The following CDC27 variants were observed in gnomAD, a reference collection of about 807,000 sequenced individuals.
The protein encoded by CDC27 is cell division cycle protein 27 homolog.
Under a neutral mutation model 109.7 loss-of-function variants are expected in CDC27, and 27 were observed. The observed-to-expected ratio is 0.25, with a 90% CI of 0.18 to 0.34. The LOEUF (loss-of-function observed/expected upper bound fraction) is 0.34. Ranked by LOEUF, CDC27 falls within the 10% of genes least tolerant of loss-of-function variation. The pLI, the probability that CDC27 is intolerant of heterozygous loss-of-function variation, is 1.00. For missense variants in CDC27, 579 were observed against 960.2 expected, an observed-to-expected ratio of 0.60 and a Z score of 5.25; for synonymous variants, 266 against 333.9, an observed-to-expected ratio of 0.80 and a Z score of 2.22.
chr17:47,159,665 A>G, intron 4 of CDC27: 1 of 443,684 alleles, frequency 2.3e-6, no homozygotes, highest in Admixed American at 3.5e-5. Flanking sequence ...ACCCAGACCG[A>G]CGTGGCCATT....
At chr17:47,129,094 A>G (rs985255541) in intron 16 of CDC27, among the ~76,000 whole-genome samples, 1 of 151,856 alleles carries the variant, frequency 6.6e-6, no homozygotes, top group African/African-American at 2.4e-5. Flanking sequence ...TCATCTGTTC[A>G]CTTATTTTGG....
chr17:47,142,076 T>C (rs1363124539), intron 11 of CDC27, 51 bp from the exon 12 acceptor site: 1 of 1,369,776 alleles, frequency 7.3e-7, no homozygotes, highest in African/African-American at 1.5e-5. Context: ...TAAACTAGTC[T>C]GCTTCTCTAG....
At chr17:47,124,612 CTA>C (rs567660991) in intron 16 of CDC27, among the ~76,000 whole-genome samples, 61 of 152,088 alleles carry the variant, frequency 4.0e-4, no homozygotes, top group Non-Finnish European at 6.8e-4. Context: ...CGAAAAATAA[CTA>C]TATAATTTTT....
At chr17:47,140,700 G>A (rs188033399) in intron 12 of CDC27, among the ~76,000 whole-genome samples, 78 of 152,238 alleles carry the variant, frequency 5.1e-4, no homozygotes, top group African/African-American at 7.0e-4. Context: ...TGGCTTTTCC[G>A]AACACAGCTC....
rs113893418 is a variant in CDC27, at chr17:47,159,032, G to A, written c.378-729C>T. 4.9e-3 allele frequency among the ~76,000 whole-genome samples: 741 copies of A among 152,330 alleles called. 1 individual carries two copies. The highest frequency in any genetic ancestry group is 0.017 in the African/African-American group (695 of 41,570). ...CTCCCAAAATGCTGGAATTACAGGCGTGATCCACCACGCTTGGCCTTAATT... is the reference window on the plus strand; with the variant it reads ...CTCCCAAAATGCTGGAATTACAGGCATGATCCACCACGCTTGGCCTTAATT... On this transcript the variant is annotated intron_variant, in intron 4 of 18. Transcript: ENST00000066544.
chr17:47,147,898 CAAAAAAAAAA>C lies in CDC27; in HGVS notation c.1070+3898_1070+3907del, dbSNP rs893703763. Among the ~76,000 whole-genome samples, 47 of 45,654 alleles carry C rather than the reference CAAAAAAAAAA, an allele frequency of 1.0e-3. 1 individual carries two copies. In the East Asian group the frequency reaches 0.027, roughly 26 times the overall value. The allele number at this position is 45,654 out of a possible 152,430, so 30.0% of individuals were successfully genotyped here. A position where few individuals can be genotyped will look rare whatever the true frequency, so the allele number is the denominator to read the frequency against. ...CCTGGGTGACAGTGAGACCCTGTCTCAAAAAAAAAAAAAAAAAAAAGGCTGGGCGCGGTGG... is the reference window on the plus strand; with the variant it reads ...CCTGGGTGACAGTGAGACCCTGTCTCAAAAAAAAAAGGCTGGGCGCGGTGG... On this transcript the variant is annotated intron_variant, in intron 9 of 18. Transcript: ENST00000066544.
rs368174839 is a variant in CDC27 at position 47,142,895 on chromosome 17, C to G, written c.1171-459G>C. 2.6e-5 allele frequency among the ~76,000 whole-genome samples: 4 copies of G among 152,262 alleles called. No homozygotes were observed. The East Asian group carries it at 7.7e-4, about 29-fold the overall frequency. ...TTCTCCACGTTGGTCAGGCTGGTCT[C>G]GAACTCCTGACCTTAGGTGATCTGC... On this transcript the variant is annotated intron_variant, in intron 10 of 18. Transcript: ENST00000066544.
intron 3 of CDC27, 149 bp from the exon 4 acceptor site, chr17:47,170,191 CCTCT>C (rs892260627): frequency 2.0e-6 from 1 of 509,498 alleles, no homozygotes; most frequent in African/African-American, 2.0e-5. Flanking sequence ...TTCATCCCTC[CCTCT>C]CTCTGTCTTC....
At chr17:47,134,785 C>CTTTTTT (rs376654308) in intron 14 of CDC27, among the ~76,000 whole-genome samples, 34 of 125,000 alleles carry the variant, frequency 2.7e-4, no homozygotes, top group Non-Finnish European at 3.4e-4. Flanking sequence ...TAATTGTTTT[C>CTTTTTT]TTTTTTTTTT....
chr17:47,186,394 C>T (rs1470060106), intron 1 of CDC27, among the ~76,000 whole-genome samples: 1 of 152,182 alleles, frequency 6.6e-6, no homozygotes, highest in Admixed American at 6.5e-5. Context: ...TGCTATATTG[C>T]TTATTAAATT....
chr17:47,156,874 G>T, intron 7 of CDC27, 39 bp downstream of exon 7: 1 of 652,100 alleles, frequency 1.5e-6, no homozygotes, highest in Admixed American at 2.7e-5. Flanking sequence ...AAGATCATTT[G>T]GTATTATAGC....
intron 16 of CDC27, among the ~76,000 whole-genome samples, chr17:47,124,322 C>T (rs76000968): frequency 0.1 from 15,734 of 151,788 alleles, 929 homozygotes; most frequent in South Asian, 0.2. Flanking sequence ...CTCGCTCTGT[C>T]GCCCAGGCTG....
At position 47,177,467 on chromosome 17, in the gene CDC27, C is replaced by A. The variant is rs572173321; in HGVS notation, c.103+4095G>T. Reference sequence around the variant, plus strand: ...CCGCAGGCGCTTATAATCCCAGCTACTCAGGAGGCTGATGCAGGAGAATTG... The same window carrying A: ...CCGCAGGCGCTTATAATCCCAGCTAATCAGGAGGCTGATGCAGGAGAATTG... On this transcript the variant is annotated intron_variant, in intron 2 of 18. Transcript: ENST00000066544. Among the ~76,000 whole-genome samples the A allele has an allele frequency of 5.3e-5, 8 of 152,290 alleles. No homozygotes were observed. In the South Asian group the frequency reaches 1.7e-3, roughly 32 times the overall value.
At chr17:47,154,829 C>A (rs750440330) in intron 7 of CDC27, 43 bp from the exon 8 acceptor site, 3 of 919,158 alleles carry the variant, frequency 3.3e-6, no homozygotes, top group Admixed American at 3.8e-5. Context: ...GTCATCAAGG[C>A]ATATATAAAG....
chr17:47,154,580 A>T, intron 8 of CDC27, 92 bp downstream of exon 8: 2 of 673,304 alleles, frequency 3.0e-6, no homozygotes, highest in East Asian at 5.5e-5. Context: ...GCAATTACAT[A>T]AAGTAAGATT....
chr17:47,183,076 T>C (rs1013563355), intron 1 of CDC27, among the ~76,000 whole-genome samples: 3 of 152,228 alleles, frequency 2.0e-5, no homozygotes, highest in African/African-American at 7.2e-5. Flanking sequence ...ATAAAATTAC[T>C]GGGTTGTTGA....
chr17:47,175,021 A>G (rs868517875), intron 2 of CDC27, among the ~76,000 whole-genome samples: 3 of 144,558 alleles, frequency 2.1e-5, no homozygotes. Context: ...GAAAGAAAGA[A>G]AGAGAGAAAG....
chr17:47,181,865 T>C (rs1239865681), intron 1 of CDC27, among the ~76,000 whole-genome samples: 1 of 152,252 alleles, frequency 6.6e-6, no homozygotes, highest in Non-Finnish European at 1.5e-5. Context: ...TTTAGGCTTC[T>C]GTGCCTTTGT....
rs377526614 is a variant in CDC27 at position 47,157,059 on chromosome 17, C to A, written c.696G>T (p.Val232=). ...AAATTACAGCTGAATCAATATAAGA[C>A]ACTGAGGAATCTGTATTCAAGGAGT... ...SKYSLNTDSS[V]SYIDSAVISP... is the part of the protein sequence containing the mutation. The change falls in exon 7 of 19, where the codon GTG becomes GTT. Residue 232 remains valine, a synonymous_variant. Coordinates refer to ENST00000066544, the MANE Select transcript of CDC27 (RefSeq NM_001256.6). 1 of 1,595,536 alleles carries A rather than the reference C, an allele frequency of 6.3e-7. No homozygotes were observed. Among genetic ancestry groups the A allele is most frequent in the Non-Finnish European group, 8.6e-7 (1 of 1,167,674 alleles).
Sources: gnomAD v4.1 joint callset for allele counts (sites outside exome capture counted in the v4.1 genomes callset) on GRCh38, gnomAD v4.1.1 for gene constraint, MANE v1.5 for transcripts, NCBI Gene and HGNC (gene_info 2026-07-23, HGNC 2026-07-21) for gene names.